HAUS1: variants seen among roughly 807,000 people sequenced by gnomAD.
The protein encoded by HAUS1 is HAUS augmin-like complex subunit 1.
Under a neutral mutation model 38.6 loss-of-function variants are expected in HAUS1, and 25 were observed. The observed-to-expected ratio is 0.65, with a 90% confidence interval of 0.47 to 0.91. HAUS1 has a LOEUF of 0.91. HAUS1 is among the 40% of genes least tolerant of loss of function. The pLI is 0.00. For missense variants in HAUS1, 325 were observed against 328.4 expected (o/e 0.99, Z 0.08); for synonymous variants, 109 against 112.9 (o/e 0.97, Z 0.22).
intron 8 of HAUS1, 95 bp downstream of exon 8, chr18:46,125,886 A>G (rs921938040): frequency 5.1e-6 from 4 of 782,250 alleles, no homozygotes; most frequent in South Asian, 1.6e-5. Flanking sequence ...CTTTCTCCTC[A>G]GTGGTAAGCT....
intron 2 of HAUS1, among the ~76,000 whole-genome samples, chr18:46,111,649 G>C (rs1373125286): frequency 6.6e-6 from 1 of 151,886 alleles, no homozygotes; most frequent in Non-Finnish European, 1.5e-5. Flanking sequence ...ATAGAGATAG[G>C]GTTTCACCAT....
chr18:46,122,533 C>T lies in HAUS1; in HGVS notation c.543C>T (p.Asn181=). 1.2e-5 allele frequency: 19 copies of T among 1,614,108 alleles called. No individual in the cohort carries two copies. The highest frequency in any genetic ancestry group is 1.6e-5 in the Non-Finnish European group (19 of 1,179,966). The change falls in exon 5 of 9, where the codon AAC becomes AAT. Residue 181 remains asparagine (N), a synonymous_variant. Coordinates refer to ENST00000282058, the MANE Select transcript of HAUS1 (RefSeq NM_138443.4). ...ERAKVDNRRQ[N]MDFLKAKSEE... is the part of the protein sequence containing the mutation. The stretch of plus-strand genomic sequence containing the variant: ...CCAAAGTTGATAATCGTCGTCAGAA[C>T]ATGGACTTTCTAAAAGCAAAGTCAG...
rs528173956 is a variant in HAUS1, at chr18:46,123,008, G to A, written c.601-291G>A. Among the ~76,000 whole-genome samples the A allele has an allele frequency of 3.9e-5, 6 of 152,130 alleles. No individual in the cohort carries two copies. In the East Asian group the frequency reaches 9.7e-4, roughly 25 times the overall value. The stretch of plus-strand genomic sequence containing the variant: ...GGGCGGATCATGAGGTCAGGAGATC[G>A]AGACCATCCTGACTAACACAGTGAA... On this transcript the variant is annotated intron_variant, in intron 5 of 8. Transcript: ENST00000282058.
Position 46,108,271 on chromosome 18 carries a change from CT to C in HAUS1, c.205+2922del, listed in dbSNP as rs1166729740. ...TTTGTCAATTTGAGGGAATTTACTT[CT>C]TTTTTTTTTTTTTTTTTTGGTAACG... On this transcript the variant is annotated intron_variant, in intron 2 of 8. Coordinates refer to ENST00000282058, the MANE Select transcript of HAUS1 (RefSeq NM_138443.4). 3.7e-3 allele frequency among the ~76,000 whole-genome samples: 421 copies of C among 115,234 alleles called. 9 individuals are homozygous for C. In the East Asian group the frequency reaches 0.057, roughly 16 times the overall value. The allele number at this position is 115,234 out of a possible 152,430, so 75.6% of individuals were successfully genotyped here.
intron 6 of HAUS1, among the ~76,000 whole-genome samples, chr18:46,123,665 C>T (rs577057250): frequency 4.1e-4 from 63 of 152,118 alleles, no homozygotes; most frequent in Non-Finnish European, 6.5e-4. Flanking sequence ...TCTAGGTGCT[C>T]CCCTTTCTTC....
intron 4 of HAUS1, among the ~76,000 whole-genome samples, chr18:46,120,826 T>G (rs1310752915): frequency 6.6e-6 from 1 of 152,150 alleles, no homozygotes; most frequent in Non-Finnish European, 1.5e-5. Context: ...CCTCAAGTGG[T>G]CCACCTGCCT....
chr18:46,104,557 A>C, intron 1 of HAUS1, 116 bp downstream of exon 1: 1 of 871,254 alleles, frequency 1.1e-6, no homozygotes, highest in South Asian at 2.8e-5. Flanking sequence ...CCTATTCCAC[A>C]CATCCGTCTT....
chr18:46,125,602 A>T, intron 7 of HAUS1, 142 bp from the exon 8 acceptor site: 2 of 543,510 alleles, frequency 3.7e-6, no homozygotes, highest in Non-Finnish European at 6.7e-6. Flanking sequence ...GTTTAAAGTC[A>T]GTGGTAAATT....
rs1347940212 is a variant in HAUS1 at position 46,124,419 on chromosome 18, A to AG, written c.667-403_667-402insG. Among the ~76,000 whole-genome samples, 827 of 145,306 alleles carry AG rather than the reference A, an allele frequency of 5.7e-3. 17 individuals carry two copies. The highest frequency in any genetic ancestry group is 0.031 in the Admixed American group (455 of 14,566). ...GTGACAGAGCAAGACTCTATCTCAA[A>AG]AAAAAAAAAAAAAAAAATTAGCCAG... is the stretch of plus-strand genomic sequence containing the variant. On this transcript the variant is annotated intron_variant, in intron 6 of 8. Coordinates refer to ENST00000282058, the MANE Select transcript of HAUS1 (RefSeq NM_138443.4).
chr18:46,116,476 A>C (rs977933896), intron 2 of HAUS1, among the ~76,000 whole-genome samples: 1 of 151,976 alleles, frequency 6.6e-6, no homozygotes, highest in Admixed American at 6.6e-5. Context: ...TGGGAGGATC[A>C]CTTGAGCCCA....
In HAUS1 at chr18:46,113,092, T is replaced by A. The variant is rs1279369131; in HGVS notation, c.206-5089T>A. ...ATATATTCCATATATATATATATATTTTTTGAGACAGGGTCTCACTCTGTT... is the reference window on the plus strand; with the variant it reads ...ATATATTCCATATATATATATATATATTTTGAGACAGGGTCTCACTCTGTT... On this transcript the variant is annotated intron_variant, in intron 2 of 8. Transcript: ENST00000282058. Among the ~76,000 whole-genome samples, 11 of 138,468 alleles carry A rather than the reference T, an allele frequency of 7.9e-5. No homozygotes were observed. The South Asian group carries it at 1.1e-3, about 13-fold the overall frequency. 90.8% of individuals were successfully genotyped at this position (138,468 alleles called of 152,430 possible).
At chr18:46,117,443 A>G (rs1911823484) in intron 2 of HAUS1, among the ~76,000 whole-genome samples, 1 of 152,244 alleles carries the variant, frequency 6.6e-6, no homozygotes, top group Non-Finnish European at 1.5e-5. Context: ...CACACATCTT[A>G]TGATACCATT....
intron 8 of HAUS1, chr18:46,126,800 TTTTTA>T (rs1461906502): frequency 1.5e-5 from 2 of 137,354 alleles, no homozygotes; most frequent in African/African-American, 5.3e-5. Flanking sequence ...AATTTTTGCA[TTTTTA>T]TTTATTTATT....
chr18:46,104,584 T>TAAA, intron 1 of HAUS1, 143 bp downstream of exon 1: 1 of 649,890 alleles, frequency 1.5e-6, no homozygotes, highest in Non-Finnish European at 2.4e-6. Context: ...CCGCCGTCAC[T>TAAA]ATCTGCAAGC....
intron 4 of HAUS1, among the ~76,000 whole-genome samples, chr18:46,120,443 A>G (rs2144260917): frequency 6.6e-6 from 1 of 152,002 alleles, no homozygotes; most frequent in East Asian, 1.9e-4. Flanking sequence ...CATGTTGGTC[A>G]GGCTGGTCTC....
At chr18:46,106,997 A>G (rs1911497437) in intron 2 of HAUS1, among the ~76,000 whole-genome samples, 1 of 152,176 alleles carries the variant, frequency 6.6e-6, no homozygotes, top group Non-Finnish European at 1.5e-5. Context: ...CCTGGGCAAC[A>G]GAGTGAGACT....
chr18:46,108,146 G>T (rs1911523163), intron 2 of HAUS1, among the ~76,000 whole-genome samples: 1 of 152,076 alleles, frequency 6.6e-6, no homozygotes, highest in Admixed American at 6.6e-5. Context: ...GATAGAATTG[G>T]CAAATACAGA....
At chr18:46,125,360 C>T (rs1912071194) in intron 7 of HAUS1, among the ~76,000 whole-genome samples, 1 of 151,816 alleles carries the variant, frequency 6.6e-6, no homozygotes, top group African/African-American at 2.4e-5. Context: ...ACCAGCCTGA[C>T]CAACATGGTG....
chr18:46,114,641 G>A (rs1190318780), intron 2 of HAUS1, among the ~76,000 whole-genome samples: 3 of 152,262 alleles, frequency 2.0e-5, no homozygotes, highest in South Asian at 2.1e-4. Context: ...GGACTTGGAC[G>A]CAGTAGCAGA....
Sources: gnomAD v4.1 joint callset for allele counts (sites outside exome capture counted in the v4.1 genomes callset) on GRCh38, gnomAD v4.1.1 for gene constraint, MANE v1.5 for transcripts, NCBI Gene and HGNC (gene_info 2026-07-23, HGNC 2026-07-21) for gene names.